TTC33: variants seen among roughly 807,000 people sequenced by gnomAD.
TTC33 encodes tetratricopeptide repeat protein 33.
A neutral mutation model predicts 29.4 loss-of-function variants in TTC33; 24 were observed. The observed-to-expected ratio is 0.82, with a 90% CI of 0.59 to 1.15. The LOEUF (loss-of-function observed/expected upper bound fraction) is 1.15, where lower values mean the gene tolerates loss of function less well. TTC33 is among the 50% of genes most tolerant of loss of function. The pLI, the probability that TTC33 is intolerant of heterozygous loss-of-function variation, is 0.00. For synonymous variants in TTC33, 107 were observed against 100.3 expected (o/e 1.07, Z -0.40); for missense variants, 286 against 310.4 (o/e 0.92, Z 0.59).
intron 2 of TTC33, among the ~76,000 whole-genome samples, chr5:40,740,449 A>C (rs1742668341): frequency 6.6e-6 from 1 of 152,060 alleles, no homozygotes; most frequent in Admixed American, 6.6e-5. Flanking sequence ...ACTTTCCTTC[A>C]AAACTAAATG....
Position 40,738,669 on chromosome 5 carries a change from T to C in TTC33, c.221+8129A>G, listed in dbSNP as rs147474515. 7.3e-3 allele frequency among the ~76,000 whole-genome samples: 1,111 copies of C among 152,008 alleles called. 8 individuals are homozygous for C. The highest frequency in any genetic ancestry group is 0.025 in the African/African-American group (1,043 of 41,522). ...AGCTATTTTACATTTTCATGAGCAA[T>C]GTATAAAAGTTTAACTTGCTCCATA... is the stretch of plus-strand genomic sequence containing the variant. On this transcript the variant is annotated intron_variant, in intron 2 of 4. Coordinates refer to ENST00000337702, the MANE Select transcript of TTC33 (RefSeq NM_012382.3).
At chr5:40,727,954 C>G (rs1424596995) in intron 4 of TTC33, among the ~76,000 whole-genome samples, 1 of 151,992 alleles carries the variant, frequency 6.6e-6, no homozygotes, top group Non-Finnish European at 1.5e-5. Flanking sequence ...ACTTGATAAA[C>G]GGCTATTCAC....
At chr5:40,743,192 G>A (rs1208419638) in intron 2 of TTC33, among the ~76,000 whole-genome samples, 2 of 152,174 alleles carry the variant, frequency 1.3e-5, no homozygotes, top group African/African-American at 4.8e-5. Context: ...TTCAGACTGG[G>A]TAATCAGAGA....
chr5:40,715,598 T>C lies in TTC33; in HGVS notation c.*547A>G, dbSNP rs1741981349. On this transcript the variant is annotated 3_prime_UTR_variant, in exon 5 of 5. Transcript: ENST00000337702. ...CAGAAAATGTTCAGAATGTACACAT[T>C]TGTGTGCATTTTCAGCCAAACTTTC... 1 of 152,364 alleles carries C rather than the reference T, an allele frequency of 6.6e-6. No individual in the cohort carries two copies. The highest frequency in any genetic ancestry group is 2.4e-5 in the African/African-American group (1 of 41,458). 9.4% of individuals were successfully genotyped at this position (152,364 alleles called of 1,614,324 possible). A position where few individuals can be genotyped will look rare whatever the true frequency, so the allele number is the denominator to read the frequency against.
intron 4 of TTC33, among the ~76,000 whole-genome samples, chr5:40,726,621 A>G (rs1266696026): frequency 1.3e-5 from 2 of 152,028 alleles, no homozygotes; most frequent in Non-Finnish European, 2.9e-5. Flanking sequence ...CAACAGAAAA[A>G]AAAAAAGTCG....
Position 40,754,298 on chromosome 5 carries a change from GAGACAAAAATACAGTCCTCTC to G in TTC33, c.-2+1505_-2+1525del, listed in dbSNP as rs557309013. ...ATCGACAAGTTTAACCTGAAAGAGG[GAGACAAAAATACAGTCCTCTC>G]AGACAAAAAAAGGAGTTAATATTGA... is the stretch of plus-strand genomic sequence containing the variant. On this transcript the variant is annotated intron_variant, in intron 1 of 4. Coordinates refer to ENST00000337702, the MANE Select transcript of TTC33 (RefSeq NM_012382.3). 4.1e-3 allele frequency among the ~76,000 whole-genome samples: 631 copies of G among 152,256 alleles called. 3 individuals carry two copies. The highest frequency in any genetic ancestry group is 0.015 in the African/African-American group (605 of 41,554).
intron 2 of TTC33, among the ~76,000 whole-genome samples, chr5:40,743,533 G>A (rs1742737603): frequency 6.6e-6 from 1 of 152,092 alleles, no homozygotes; most frequent in Admixed American, 6.6e-5. Context: ...AGCACTTTGG[G>A]AGGCTGAGGC....
chr5:40,744,729 A>AT (rs1435217878), intron 2 of TTC33, among the ~76,000 whole-genome samples: 4 of 152,274 alleles, frequency 2.6e-5, no homozygotes, highest in Admixed American at 2.6e-4. Context: ...TATTCAAATC[A>AT]ACAATTCTTA....
intron 2 of TTC33, among the ~76,000 whole-genome samples, chr5:40,745,847 A>C (rs1579690945): frequency 6.6e-6 from 1 of 151,940 alleles, no homozygotes; most frequent in South Asian, 2.1e-4. Flanking sequence ...CGATCCTCCC[A>C]CCTTGGCCTC....
At chr5:40,750,418 C>T (rs1012775111) in intron 1 of TTC33, among the ~76,000 whole-genome samples, 10 of 152,160 alleles carry the variant, frequency 6.6e-5, no homozygotes, top group Admixed American at 1.3e-4. Context: ...ACTATCCAGG[C>T]GTGGTGGTAC....
At chr5:40,720,732 T>G (rs1742113451) in intron 4 of TTC33, among the ~76,000 whole-genome samples, 1 of 152,072 alleles carries the variant, frequency 6.6e-6, no homozygotes, top group Admixed American at 6.5e-5. Context: ...GCACCCTGGA[T>G]GAATAAGAAT....
chr5:40,730,828 T>C (rs936102843), intron 2 of TTC33, among the ~76,000 whole-genome samples: 6 of 152,186 alleles, frequency 3.9e-5, no homozygotes, highest in African/African-American at 1.4e-4. Context: ...GGTTCATATG[T>C]AACAGATAAG....
intron 4 of TTC33, among the ~76,000 whole-genome samples, chr5:40,724,548 G>A (rs1444305437): frequency 6.6e-6 from 1 of 151,742 alleles, no homozygotes; most frequent in African/African-American, 2.4e-5. Context: ...AACGAGAATG[G>A]CTTGAACCCG....
chr5:40,730,802 GA>G (rs569529046), intron 2 of TTC33, among the ~76,000 whole-genome samples: 50 of 152,122 alleles, frequency 3.3e-4, no homozygotes, highest in African/African-American at 1.1e-3. Flanking sequence ...TGTATGCTCA[GA>G]AAAACTTAGA....
chr5:40,720,496 T>C (rs1290624897), intron 4 of TTC33, among the ~76,000 whole-genome samples: 2 of 152,162 alleles, frequency 1.3e-5, no homozygotes, highest in Non-Finnish European at 2.9e-5. Context: ...TTAAAGTAAA[T>C]CCAAAGAGCT....
chr5:40,734,142 A>G (rs1455730124), intron 2 of TTC33, among the ~76,000 whole-genome samples: 3 of 152,190 alleles, frequency 2.0e-5, no homozygotes, highest in Non-Finnish European at 4.4e-5. Flanking sequence ...CACTATCATC[A>G]ACTTATTCAA....
At chr5:40,726,472 T>TA (rs1742289802) in intron 4 of TTC33, among the ~76,000 whole-genome samples, 1 of 151,724 alleles carries the variant, frequency 6.6e-6, no homozygotes, top group Non-Finnish European at 1.5e-5. Context: ...CTTTTTTTTT[T>TA]ACCATTCTAG....
At chr5:40,742,688 AAAAG>A (rs1742718934) in intron 2 of TTC33, among the ~76,000 whole-genome samples, 1 of 152,248 alleles carries the variant, frequency 6.6e-6, no homozygotes, top group African/African-American at 2.4e-5. Context: ...TGAGATTAAA[AAAAG>A]AAGAAAAAGA....
At chr5:40,725,363 C>T (rs756009442) in intron 4 of TTC33, among the ~76,000 whole-genome samples, 3 of 152,042 alleles carry the variant, frequency 2.0e-5, no homozygotes, top group African/African-American at 4.8e-5. Context: ...CCATTACTAC[C>T]ATTACAAAAG....
Sources: allele counts gnomAD v4.1 joint callset (sites outside exome capture counted in the v4.1 genomes callset), GRCh38; gene constraint gnomAD v4.1.1; transcripts MANE v1.5; gene names NCBI Gene and HGNC (gene_info 2026-07-23, HGNC 2026-07-21).